Variants in SLC20A2 observed in about 807,000 individuals in gnomAD.
SLC20A2 encodes sodium-dependent phosphate transporter 2.
SLC20A2 carries 30 observed loss-of-function variants against 61.0 expected under a neutral mutation model. That is an observed-to-expected ratio of 0.49 (90% CI 0.37 to 0.67). SLC20A2 has a LOEUF of 0.67. SLC20A2 is among the 30% of genes least tolerant of loss of function. The probability of loss-of-function intolerance (pLI) is 0.00; values close to 1 mark genes in which losing one functional copy is unlikely to be tolerated. For synonymous variants in SLC20A2, 351 were observed against 353.3 expected, an observed-to-expected ratio of 0.99 and a Z score of 0.07; for missense variants, 626 against 866.4, an observed-to-expected ratio of 0.72 and a Z score of 3.48.
At chr8:42,527,417 G>A (rs1812041137) in intron 1 of SLC20A2, among the ~76,000 whole-genome samples, 1 of 150,890 alleles carries the variant, frequency 6.6e-6, no homozygotes, top group Non-Finnish European at 1.5e-5. Context: ...GAGTATACAG[G>A]AGCTCTATTA....
Position 42,496,023 on chromosome 8 carries a change from T to C in SLC20A2, c.-265+5008A>G, listed in dbSNP as rs1256785132. ...CCTTGGCCTCCCAAAGTGCTGGGAA[T>C]ACAGGCGTGAGCCACCACACCCGGC... is the stretch of plus-strand genomic sequence containing the variant. On this transcript the variant is annotated intron_variant, in intron 1 of 10. Transcript: ENST00000520262. 2.0e-5 allele frequency among the ~76,000 whole-genome samples: 3 copies of C among 152,238 alleles called. No individual in the cohort carries two copies. The East Asian group carries it at 5.8e-4, about 29-fold the overall frequency.
intron 3 of SLC20A2, 74 bp downstream of exon 3, chr8:42,465,703 A>C (rs915146577): frequency 6.9e-7 from 1 of 1,446,258 alleles, no homozygotes; most frequent in East Asian, 2.4e-5. Flanking sequence ...AAAAAAAAAA[A>C]AGTAACTTGT....
Position 42,472,785 on chromosome 8 carries a change from C to T in SLC20A2, c.-264-131G>A, listed in dbSNP as rs1347220606. The T allele has an allele frequency of 6.0e-6, 1 of 165,942 alleles. No homozygotes were observed. Among genetic ancestry groups the T allele is most frequent in the Non-Finnish European group, 1.3e-5 (1 of 76,210 alleles). 10.3% of individuals were successfully genotyped at this position (165,942 alleles called of 1,614,324 possible). A position where few individuals can be genotyped will look rare whatever the true frequency, so the allele number is the denominator to read the frequency against. ...GCATGTGACGGACCTAACCATAAAG[C>T]AATTCAAGGAAGATTATAATTAGGA... On this transcript the variant is annotated intron_variant, in intron 1 of 10. Coordinates refer to ENST00000520262, the MANE Select transcript of SLC20A2 (RefSeq NM_001257180.2). The surrounding 1 kb of genome is among the most constrained non-coding windows in gnomAD (Gnocchi z 4.1).
Position 42,436,982 on chromosome 8 carries a change from C to T in SLC20A2, c.1523+7G>A, listed in dbSNP as rs752309527. The stretch of plus-strand genomic sequence containing the variant: ...CCCTTGTTGAATGAATGAATGAAAG[C>T]ACCCACCTCACGTCATTGCCGCCGT... On this transcript the variant is annotated splice_region_variant and intron_variant, in intron 8 of 10. Coordinates refer to ENST00000520262, the MANE Select transcript of SLC20A2 (RefSeq NM_001257180.2). 3 of 1,583,792 alleles carry T rather than the reference C, an allele frequency of 1.9e-6. No homozygotes were observed. The highest frequency in any genetic ancestry group is 2.6e-6 in the Non-Finnish European group (3 of 1,164,132).
intron 7 of SLC20A2, among the ~76,000 whole-genome samples, chr8:42,438,075 A>AAAAAAAAAAAAAAAC (rs1804471975): frequency 6.9e-6 from 1 of 144,340 alleles, no homozygotes; most frequent in Non-Finnish European, 1.5e-5. Context: ...AAAAAAAAAA[A>AAAAAAAAAAAAAAAC]AAAAAAAAAA....
chr8:42,503,308 A>C (rs913128365), upstream of SLC20A2, among the ~76,000 whole-genome samples: 2 of 152,258 alleles, frequency 1.3e-5, no homozygotes, highest in African/African-American at 4.8e-5. Context: ...CTTGAAAAGC[A>C]GAGTAAATTC....
chr8:42,505,567 T>C (rs1161199884), upstream of SLC20A2, among the ~76,000 whole-genome samples: 1 of 152,212 alleles, frequency 6.6e-6, no homozygotes, highest in Non-Finnish European at 1.5e-5. Flanking sequence ...TATTCTAAAA[T>C]ATTTTAAAAT....
At chr8:42,500,895 C>T (rs1810274012) in intron 1 of SLC20A2, 136 bp downstream of exon 1, 1 of 152,220 alleles carries the variant, frequency 6.6e-6, no homozygotes, top group Admixed American at 6.5e-5. Context: ...TTTGCCACCT[C>T]TCTTAGCTTT....
intron 1 of SLC20A2, chr8:42,484,696 G>A: frequency 2.6e-6 from 1 of 383,892 alleles, no homozygotes; most frequent in South Asian, 2.4e-5. Flanking sequence ...GTCTGATGAA[G>A]TGTGGGTGGG....
chr8:42,439,656 A>G lies in SLC20A2; in HGVS notation c.731-3T>C, dbSNP rs756616737. 1.2e-5 allele frequency: 19 copies of G among 1,602,122 alleles called. No individual in the cohort carries two copies. The highest frequency in any genetic ancestry group is 1.7e-5 in the Admixed American group (1 of 59,980). On this transcript the variant is annotated splice_polypyrimidine_tract_variant and splice_region_variant and intron_variant, in intron 6 of 10. Transcript: ENST00000520262. Reference sequence around the variant, plus strand: ...AGCACCTTCTTTTTGTAATTTGCCTAAAGAAAACAAAGTCATACTGAACAT... The same window carrying G: ...AGCACCTTCTTTTTGTAATTTGCCTGAAGAAAACAAAGTCATACTGAACAT...
upstream of SLC20A2, among the ~76,000 whole-genome samples, chr8:42,506,097 C>G (rs1165097745): frequency 6.6e-6 from 1 of 152,058 alleles, no homozygotes; most frequent in African/African-American, 2.4e-5. Context: ...TGTGCCACCA[C>G]GACCAGCTGA....
At chr8:42,506,693 C>T (rs1217181973) in intron 1 of SLC20A2, among the ~76,000 whole-genome samples, 1 of 152,228 alleles carries the variant, frequency 6.6e-6, no homozygotes, top group Non-Finnish European at 1.5e-5. Context: ...TTAATTTTCT[C>T]CGTGATATGG....
In SLC20A2 at chr8:42,438,085, A is replaced by AAAAAC. The variant is rs1804484585; in HGVS notation, c.935-513_935-509dup. Among the ~76,000 whole-genome samples the AAAAAC allele has an allele frequency of 3.4e-5, 5 of 149,244 alleles. 1 individual carries two copies. Among genetic ancestry groups the AAAAAC allele is most frequent in the Admixed American group, 6.6e-5 (1 of 15,054 alleles). The stretch of plus-strand genomic sequence containing the variant: ...AACCAAAAAAAAAAAAAAAAAAAAA[A>AAAAAC]AAAACATGGAAACATACAACAAAAG... On this transcript the variant is annotated intron_variant, in intron 7 of 10. Transcript: ENST00000520262.
intron 4 of SLC20A2, among the ~76,000 whole-genome samples, chr8:42,460,647 CT>C (rs1186040243): frequency 6.6e-6 from 1 of 152,220 alleles, no homozygotes; most frequent in East Asian, 1.9e-4. Flanking sequence ...TTATTAACTA[CT>C]TTAGGCTTCT....
chr8:42,505,933 CTCT>C (rs1274424935), upstream of SLC20A2, among the ~76,000 whole-genome samples: 1 of 150,322 alleles, frequency 6.7e-6, no homozygotes, highest in Admixed American at 6.7e-5. Flanking sequence ...GAAGAAAAAA[CTCT>C]TCAACTCGTT....
intron 5 of SLC20A2, among the ~76,000 whole-genome samples, chr8:42,447,421 T>A (rs1805298829): frequency 6.6e-6 from 1 of 151,696 alleles, no homozygotes; most frequent in Non-Finnish European, 1.5e-5. Flanking sequence ...CTCATGCCTG[T>A]AATCCCAGCA....
intron 6 of SLC20A2, among the ~76,000 whole-genome samples, chr8:42,440,861 C>T (rs1804719450): frequency 6.6e-6 from 1 of 152,206 alleles, no homozygotes. Flanking sequence ...AGTGCAGTGG[C>T]TCTATCTCAG....
In SLC20A2 at chr8:42,531,832, T is replaced by C. The variant is rs931877670; in HGVS notation, c.-265+9989A>G. ...AAGTCTCTGCTTTTTTTTTTTTTTT[T>C]CTTTTTGAGACAGAGTCTCGCTGTC... On this transcript the variant is annotated intron_variant, in intron 1 of 10. Transcript: ENST00000342228. Among the ~76,000 whole-genome samples the C allele has an allele frequency of 7.7e-3, 1,149 of 148,970 alleles. 8 individuals are homozygous for C. The highest frequency in any genetic ancestry group is 0.028 in the African/African-American group (1,100 of 39,830).
intron 1 of SLC20A2, among the ~76,000 whole-genome samples, chr8:42,534,043 T>C (rs1283650065): frequency 2.0e-5 from 3 of 151,958 alleles, no homozygotes; most frequent in East Asian, 3.9e-4. Flanking sequence ...GGGCCAGGTA[T>C]GGTGGCTCAT....
Sources: allele counts gnomAD v4.1 joint callset (sites outside exome capture counted in the v4.1 genomes callset), GRCh38; gene constraint gnomAD v4.1.1; non-coding constraint Gnocchi (gnomAD v3.1); transcripts MANE v1.5; gene names NCBI Gene and HGNC (gene_info 2026-07-23, HGNC 2026-07-21).